Variants in ATP11B observed in about 807,000 individuals in gnomAD.
ATP11B encodes the protein phospholipid-transporting ATPase IF.
In ATP11B, 81 loss-of-function variants were observed where a neutral mutation model predicts 157.8. That is an observed-to-expected ratio of 0.51 (90% CI 0.43 to 0.62). ATP11B has a LOEUF of 0.62. Among genes scored for constraint, ATP11B ranks in the 20% least tolerant of loss-of-function variants. The pLI is 0.00. For missense variants in ATP11B, 1,165 were observed against 1,402.2 expected, an observed-to-expected ratio of 0.83 and a Z score of 2.70; for synonymous variants, 451 against 469.4, an observed-to-expected ratio of 0.96 and a Z score of 0.51.
chr3:182,844,856 T>C (rs1021934911), intron 8 of ATP11B, among the ~76,000 whole-genome samples: 2 of 152,208 alleles, frequency 1.3e-5, no homozygotes, highest in Non-Finnish European at 2.9e-5. Flanking sequence ...CTGAATTTTA[T>C]GTTTAAAATT....
rs926980561 is a variant in ATP11B, at chr3:182,880,898, T to A, written c.2426T>A (p.Ile809Lys). ...QKAKVIRLIK[I>K]SPEKPITLAV... is the part of the protein sequence containing the mutation. Reference sequence around the variant, plus strand: ...TTTCAGGTAATAAGACTAATAAAAATATCACCTGAGAAACCTATAACATTG... The same window carrying A: ...TTTCAGGTAATAAGACTAATAAAAAAATCACCTGAGAAACCTATAACATTG... Residue 809 changes from isoleucine to lysine, a missense_variant, in exon 21 of 30, where the codon ATA (isoleucine) becomes AAA (lysine). Coordinates refer to ENST00000323116, the MANE Select transcript of ATP11B (RefSeq NM_014616.3). The A allele has an allele frequency of 1.3e-6, 2 of 1,587,834 alleles. No individual in the cohort carries two copies. The highest frequency in any genetic ancestry group is 1.7e-6 in the Non-Finnish European group (2 of 1,170,708).
chr3:182,893,751 T>C (rs971976808), intron 25 of ATP11B, among the ~76,000 whole-genome samples: 8 of 152,252 alleles, frequency 5.3e-5, no homozygotes, highest in African/African-American at 1.9e-4. Flanking sequence ...CTTTCAGTTC[T>C]TTAAGGAATC....
chr3:182,829,634 A>G (rs772147734), intron 3 of ATP11B, 38 bp from the exon 4 acceptor site: 1 of 1,363,670 alleles, frequency 7.3e-7, no homozygotes, highest in Non-Finnish European at 1.0e-6. Flanking sequence ...TGCACAATAT[A>G]AAAATATAAT....
chr3:182,885,059 G>A (rs1722708878), intron 22 of ATP11B, among the ~76,000 whole-genome samples, 161 bp downstream of exon 22: 1 of 152,134 alleles, frequency 6.6e-6, no homozygotes, highest in African/African-American at 2.4e-5. Flanking sequence ...AAGCAAATCA[G>A]TGGTTGCCTG....
At chr3:182,809,272 A>G (rs1291279130) in intron 1 of ATP11B, among the ~76,000 whole-genome samples, 1 of 151,738 alleles carries the variant, frequency 6.6e-6, no homozygotes, top group Non-Finnish European at 1.5e-5. Flanking sequence ...TTATTGAGAC[A>G]GACTTTTGGT....
At chr3:182,888,858 C>CTTTTTTT (rs565378947) in intron 24 of ATP11B, among the ~76,000 whole-genome samples, 6 of 124,926 alleles carry the variant, frequency 4.8e-5, no homozygotes, top group Admixed American at 8.0e-5. Context: ...TATCATATTT[C>CTTTTTTT]TTTTTTTTTT....
intron 28 of ATP11B, among the ~76,000 whole-genome samples, chr3:182,899,572 A>G (rs1184767582): frequency 6.6e-6 from 1 of 152,200 alleles, no homozygotes; most frequent in Admixed American, 6.5e-5. Context: ...ACATTTATTA[A>G]TAAATATTAA....
chr3:182,795,128 A>G (rs1366129853), intron 1 of ATP11B, among the ~76,000 whole-genome samples: 1 of 152,224 alleles, frequency 6.6e-6, no homozygotes, highest in Non-Finnish European at 1.5e-5. Flanking sequence ...CAGATATCCC[A>G]GATATATGCT....
At chr3:182,827,145 G>A (rs1015625295) in intron 2 of ATP11B, among the ~76,000 whole-genome samples, 10 of 152,060 alleles carry the variant, frequency 6.6e-5, no homozygotes, top group Non-Finnish European at 1.5e-4. Context: ...CTTCTGGGAG[G>A]ATGTACATAA....
chr3:182,857,653 C>A (rs1649732195), intron 10 of ATP11B, among the ~76,000 whole-genome samples: 1 of 151,668 alleles, frequency 6.6e-6, no homozygotes, highest in South Asian at 2.1e-4. Flanking sequence ...GGTAACATGG[C>A]TATATTAAAT....
chr3:182,843,727 C>T (rs1242791078), intron 8 of ATP11B: 3 of 152,160 alleles, frequency 2.0e-5, no homozygotes, highest in Non-Finnish European at 2.9e-5. Flanking sequence ...AGTTTCTAAT[C>T]GCATTTGACA....
intron 2 of ATP11B, among the ~76,000 whole-genome samples, chr3:182,822,269 G>C (rs1486260840): frequency 6.6e-6 from 1 of 151,622 alleles, no homozygotes; most frequent in Non-Finnish European, 1.5e-5. Flanking sequence ...CCCTCCCCCT[G>C]CCCCTACCCC....
intron 8 of ATP11B, 54 bp from the exon 9 acceptor site, chr3:182,845,403 AT>A (rs1227174714): frequency 1.4e-5 from 20 of 1,442,762 alleles, no homozygotes; most frequent in Non-Finnish European, 1.9e-5. Context: ...CCATTTCAGA[AT>A]TGAAGAGTTT....
intron 10 of ATP11B, among the ~76,000 whole-genome samples, chr3:182,852,411 G>C (rs2140294): frequency 0.7 from 106,598 of 152,052 alleles, 37,805 homozygotes; most frequent in Non-Finnish European, 0.76. Context: ...CTCCATAGAT[G>C]CTACACATAT....
intron 2 of ATP11B, among the ~76,000 whole-genome samples, chr3:182,822,315 T>C (rs1241655359): frequency 6.6e-6 from 1 of 152,116 alleles, no homozygotes; most frequent in Non-Finnish European, 1.5e-5. Flanking sequence ...CCCCATCTTG[T>C]GTCCAAGTGT....
chr3:182,884,668 C>G, intron 21 of ATP11B, 85 bp from the exon 22 acceptor site: 1 of 1,354,954 alleles, frequency 7.4e-7, no homozygotes, highest in Non-Finnish European at 1.0e-6. Context: ...GCATGTTCAA[C>G]TATTATAAAT....
intron 17 of ATP11B, among the ~76,000 whole-genome samples, chr3:182,871,201 G>A (rs1183270439): frequency 6.6e-6 from 1 of 151,878 alleles, no homozygotes; most frequent in Admixed American, 6.6e-5. Flanking sequence ...AGGAGGCTGA[G>A]GCAGCAGGAT....
chr3:182,885,910 CTAAA>C, intron 22 of ATP11B, 37 bp from the exon 23 acceptor site: 1 of 1,358,350 alleles, frequency 7.4e-7, no homozygotes, highest in Non-Finnish European at 9.9e-7. Context: ...TCTTTGAAAC[CTAAA>C]TATTTTAATT....
chr3:182,827,983 A>C, intron 2 of ATP11B, 137 bp from the exon 3 acceptor site: 1 of 369,074 alleles, frequency 2.7e-6, no homozygotes, highest in Middle Eastern at 7.5e-4. Flanking sequence ...TAAAAGCCAG[A>C]TGGTTTCTGT....
Sources: allele counts gnomAD v4.1 joint callset (sites outside exome capture counted in the v4.1 genomes callset), GRCh38; gene constraint gnomAD v4.1.1; transcripts MANE v1.5; gene names NCBI Gene and HGNC (gene_info 2026-07-23, HGNC 2026-07-21).